Variants in CYP27A1 observed in about 807,000 individuals in gnomAD.
CYP27A1 encodes the protein sterol 26-hydroxylase, mitochondrial.
In CYP27A1, 46 loss-of-function variants were observed where a neutral mutation model predicts 58.2. That is an observed-to-expected ratio of 0.79 (90% CI 0.62 to 1.01). The LOEUF is 1.01. Ranked by LOEUF, CYP27A1 falls within the 50% of genes least tolerant of loss-of-function variation. CYP27A1 has a pLI of 0.00. For synonymous variants in CYP27A1, 274 were observed against 285.1 expected, an observed-to-expected ratio of 0.96 and a Z score of 0.39; for missense variants, 704 against 687.0, an observed-to-expected ratio of 1.02 and a Z score of -0.28.
At chr2:218,803,722 C>CTTTTT (rs71040407) in intron 1 of CYP27A1, among the ~76,000 whole-genome samples, 7 of 57,780 alleles carry the variant, frequency 1.2e-4, no homozygotes, top group African/African-American at 3.4e-4. Context: ...GTGCCCCCGT[C>CTTTTT]TTTTTTTTTT....
intron 1 of CYP27A1, among the ~76,000 whole-genome samples, chr2:218,793,429 T>C (rs892299718): frequency 1.1e-4 from 17 of 152,188 alleles, no homozygotes; most frequent in African/African-American, 3.9e-4. Context: ...GAGACTCAGT[T>C]TTCCGAACAA....
chr2:218,792,480 C>A (rs1943503355), intron 1 of CYP27A1, among the ~76,000 whole-genome samples: 1 of 151,990 alleles, frequency 6.6e-6, no homozygotes, highest in South Asian at 2.1e-4. Flanking sequence ...TTACCCAGTC[C>A]AAATATATGA....
Position 218,783,150 on chromosome 2 carries a change from G to GGGA in CYP27A1, c.255+716_255+718dup, listed in dbSNP as rs566725335. ...CACATGCCTGTAATCCCAGCTACTA[G>GGGA]GGAGGCTGAGGTAGGAGAATCGCTT... On this transcript the variant is annotated intron_variant, in intron 1 of 8. Coordinates refer to ENST00000258415, the MANE Select transcript of CYP27A1 (RefSeq NM_000784.4). Among the ~76,000 whole-genome samples, 190 of 151,726 alleles carry GGGA rather than the reference G, an allele frequency of 1.3e-3. 1 individual carries two copies. Among genetic ancestry groups the GGGA allele is most frequent in the South Asian group, 6.1e-3 (29 of 4,792 alleles).
intron 1 of CYP27A1, among the ~76,000 whole-genome samples, chr2:218,805,539 G>A (rs79653523): frequency 0.031 from 4,757 of 152,212 alleles, 249 homozygotes; most frequent in African/African-American, 0.11. Context: ...TCAACTGTCT[G>A]GCCCATGCAC....
intron 2 of CYP27A1, among the ~76,000 whole-genome samples, chr2:218,810,522 C>T (rs692258): frequency 0.088 from 13,416 of 152,146 alleles, 1,965 homozygotes; most frequent in African/African-American, 0.3. Flanking sequence ...AGTCAGATGA[C>T]TGGGGAAAAA....
chr2:218,800,222 G>A (rs1943585763), intron 1 of CYP27A1, among the ~76,000 whole-genome samples: 1 of 152,114 alleles, frequency 6.6e-6, no homozygotes, highest in Admixed American at 6.5e-5. Context: ...TGAAGAGTGG[G>A]AGGGGCCTCC....
intron 1 of CYP27A1, among the ~76,000 whole-genome samples, chr2:218,789,703 T>G (rs562758630): frequency 2.0e-4 from 30 of 152,360 alleles, no homozygotes; most frequent in Non-Finnish European, 3.2e-4. Context: ...AACTTGAACT[T>G]GATTTAACAA....
intron 1 of CYP27A1, among the ~76,000 whole-genome samples, chr2:218,805,330 C>T (rs1298605120): frequency 6.6e-6 from 1 of 152,136 alleles, no homozygotes; most frequent in Non-Finnish European, 1.5e-5. Flanking sequence ...CAACATGTTT[C>T]TTTCTGCTGG....
chr2:218,803,823 C>T lies in CYP27A1; in HGVS notation c.256-5754C>T, dbSNP rs1943624023. 2.7e-5 allele frequency among the ~76,000 whole-genome samples: 4 copies of T among 150,028 alleles called. 1 individual carries two copies. In the South Asian group the frequency reaches 8.5e-4, roughly 32 times the overall value. The stretch of plus-strand genomic sequence containing the variant: ...TCTCAGCTCACTGCAGCCTCCACCT[C>T]CCGGGTTCAAGTGATTCTCCTGCCT... On this transcript the variant is annotated intron_variant, in intron 1 of 8. Transcript: ENST00000258415.
At position 218,812,681 on chromosome 2, in the gene CYP27A1, A is replaced by G. The variant is rs72551317; in HGVS notation, c.776A>G (p.Lys259Arg). Residue 259 changes from lysine (K) to arginine (R), a missense_variant, in exon 4 of 9, where the codon AAG (lysine) becomes AGG (arginine). Coordinates refer to ENST00000258415, the MANE Select transcript of CYP27A1 (RefSeq NM_000784.4). The part of the protein sequence containing the change: ...QNSLYATFLP[K>R]WTRPVLPFWK... ...TCACTCTATGCCACCTTCCTCCCCA[A>G]GTGGACTCGCCCCGTGCTGCCTTTC... 5.0e-6 allele frequency: 8 copies of G among 1,614,038 alleles called. No homozygotes were observed. The highest frequency in any genetic ancestry group is 2.2e-5 in the East Asian group (1 of 44,898).
rs942595535 is a variant in CYP27A1 at position 218,782,562 on chromosome 2, A to G, written c.255+125A>G. ...ACTCAGCTGGGGACCCACTGAGGCTATGGTCATAAACTGGAAATCAGTAGG... is the reference window on the plus strand; with the variant it reads ...ACTCAGCTGGGGACCCACTGAGGCTGTGGTCATAAACTGGAAATCAGTAGG... On this transcript the variant is annotated intron_variant, in intron 1 of 8. Coordinates refer to ENST00000258415, the MANE Select transcript of CYP27A1 (RefSeq NM_000784.4). This position sits in a 1 kb window ranked among gnomAD's most constrained non-coding sequence, Gnocchi z 4.1. The G allele has an allele frequency of 3.2e-6, 4 of 1,250,014 alleles. No individual in the cohort carries two copies. Among genetic ancestry groups the G allele is most frequent in the Non-Finnish European group, 4.6e-6 (4 of 866,692 alleles). The allele number at this position is 1,250,014 out of a possible 1,614,324, so 77.4% of individuals were successfully genotyped here.
At chr2:218,811,050 C>A (rs993230461) in intron 2 of CYP27A1, among the ~76,000 whole-genome samples, 1 of 152,124 alleles carries the variant, frequency 6.6e-6, no homozygotes, top group Non-Finnish European at 1.5e-5. Flanking sequence ...ACTCAGGAGG[C>A]TGAGGCAGGA....
In CYP27A1 at chr2:218,782,484, A is replaced by C; in HGVS notation, c.255+47A>C. 5 of 1,612,694 alleles carry C rather than the reference A, an allele frequency of 3.1e-6. No individual in the cohort carries two copies. The highest frequency in any genetic ancestry group is 4.2e-6 in the Non-Finnish European group (5 of 1,179,230). On this transcript the variant is annotated intron_variant, in intron 1 of 8. Coordinates refer to ENST00000258415, the MANE Select transcript of CYP27A1 (RefSeq NM_000784.4). This position sits in a 1 kb window ranked among gnomAD's most constrained non-coding sequence, Gnocchi z 4.1. ...TCCTGGGGATGGGAGTGGGCACCGG[A>C]ACAGAGAGGCTAGAGGTGAGAAGAC... is the stretch of plus-strand genomic sequence containing the variant.
chr2:218,797,843 G>T (rs1027087072), intron 1 of CYP27A1, among the ~76,000 whole-genome samples: 1 of 152,160 alleles, frequency 6.6e-6, no homozygotes, highest in Non-Finnish European at 1.5e-5. Flanking sequence ...TACAGAAAAA[G>T]CATATAATAC....
intron 1 of CYP27A1, among the ~76,000 whole-genome samples, chr2:218,799,728 C>T (rs548812700): frequency 6.6e-6 from 1 of 151,630 alleles, no homozygotes; most frequent in Non-Finnish European, 1.5e-5. Context: ...CTGGAGAATC[C>T]TTATTAATAT....
chr2:218,798,940 A>C (rs1466381043), intron 1 of CYP27A1, among the ~76,000 whole-genome samples: 2 of 152,164 alleles, frequency 1.3e-5, no homozygotes, highest in Non-Finnish European at 2.9e-5. Flanking sequence ...CTTTGAGTAA[A>C]GCAGATTACC....
intron 1 of CYP27A1, among the ~76,000 whole-genome samples, chr2:218,795,288 G>C (rs1042632507): frequency 3.9e-5 from 6 of 152,192 alleles, no homozygotes; most frequent in Non-Finnish European, 8.8e-5. Context: ...TTGACCCGAA[G>C]CTTGGAATTG....
rs931087462 is a variant in CYP27A1, at chr2:218,785,875, T to C, written c.255+3438T>C. On this transcript the variant is annotated intron_variant, in intron 1 of 8. Transcript: ENST00000258415. ...TCACTTTGTATCAGAATTTGTTAGG[T>C]TGCCACTCAAACTGGCTCAAACTAT... Among the ~76,000 whole-genome samples, 19 of 152,326 alleles carry C rather than the reference T, an allele frequency of 1.2e-4. 1 individual carries two copies. Among genetic ancestry groups the C allele is most frequent in the African/African-American group, 4.6e-4 (19 of 41,564 alleles).
Position 218,813,878 on chromosome 2 carries a change from C to A in CYP27A1, c.1018-143C>A, listed in dbSNP as rs192105666. 26 of 879,636 alleles carry A rather than the reference C, an allele frequency of 3.0e-5. No homozygotes were observed. In the African/African-American group the frequency reaches 3.8e-4, roughly 13 times the overall value. 54.5% of individuals were successfully genotyped at this position (879,636 alleles called of 1,614,324 possible). On this transcript the variant is annotated intron_variant, in intron 5 of 8. Transcript: ENST00000258415. ...GGATTCATGTTTAGCATGGAGACTG[C>A]CATGAACCTGCATGTTTTTTCCTGC... is the stretch of plus-strand genomic sequence containing the variant.
Sources: allele counts gnomAD v4.1 joint callset (sites outside exome capture counted in the v4.1 genomes callset), GRCh38; gene constraint gnomAD v4.1.1; non-coding constraint Gnocchi (gnomAD v3.1); transcripts MANE v1.5; gene names NCBI Gene and HGNC (gene_info 2026-07-23, HGNC 2026-07-21).